TCERG1: variants seen among roughly 807,000 people sequenced by gnomAD.
The protein encoded by TCERG1 is TATA box binding protein (TBP)-associated factor, RNA polymerase II, S, 150kD.
In TCERG1, 37 loss-of-function variants were observed where a neutral mutation model predicts 144.7. The ratio of observed to expected loss-of-function variants is 0.26; its 90% CI spans 0.20 to 0.34. The LOEUF is 0.34. TCERG1 is among the 10% of genes least tolerant of loss of function. TCERG1 has a pLI of 1.00. For missense variants in TCERG1, 1,027 were observed against 1,380.7 expected (o/e 0.74, Z 4.06); for synonymous variants, 492 against 458.2 (o/e 1.07, Z -0.94).
chr5:146,501,096 A>G (rs1767398177), intron 17 of TCERG1, among the ~76,000 whole-genome samples: 1 of 152,156 alleles, frequency 6.6e-6, no homozygotes, highest in African/African-American at 2.4e-5. Flanking sequence ...TATTATAACC[A>G]ATTTTTATAA....
Position 146,507,242 on chromosome 5 carries a change from A to G in TCERG1, c.2961+35A>G, listed in dbSNP as rs754778347. 6.6e-7 allele frequency: 1 copy of G among 1,519,482 alleles called. No individual in the cohort carries two copies. The highest frequency in any genetic ancestry group is 8.8e-7 in the Non-Finnish European group (1 of 1,135,614). The allele number at this position is 1,519,482 out of a possible 1,614,324, so 94.1% of individuals were successfully genotyped here. A position where few individuals can be genotyped will look rare whatever the true frequency, so the allele number is the denominator to read the frequency against. ...TCTTATTTTTCTCATTTTAATCTGG[A>G]TGAATCTTGTTAGTAATTTCTTAAA... On this transcript the variant is annotated intron_variant, in intron 20 of 22. Transcript: ENST00000679501. This position sits in a 1 kb window ranked among gnomAD's most constrained non-coding sequence, Gnocchi z 4.6.
intron 13 of TCERG1, chr5:146,481,792 A>G (rs1292659339): frequency 6.6e-6 from 1 of 152,142 alleles, no homozygotes; most frequent in Non-Finnish European, 1.5e-5. Flanking sequence ...TTCATAGTGC[A>G]TATATTTGAG....
At chr5:146,468,320 G>T in intron 5 of TCERG1, 21 bp from the exon 6 acceptor site, 1 of 1,567,026 alleles carries the variant, frequency 6.4e-7, no homozygotes, top group Non-Finnish European at 8.7e-7. Flanking sequence ...TCCAACGTAT[G>T]CTTGCTTATC....
chr5:146,452,870 C>T (rs10043372), intron 1 of TCERG1, among the ~76,000 whole-genome samples: 37,246 of 152,106 alleles, frequency 0.24, 5,682 homozygotes, highest in East Asian at 0.84. Context: ...GGATTACAGG[C>T]GCGAGCCACC....
Position 146,479,868 on chromosome 5 carries a change from G to A in TCERG1, c.1776G>A (p.Pro592=), listed in dbSNP as rs781250149. 11 of 1,613,300 alleles carry A rather than the reference G, an allele frequency of 6.8e-6. No individual in the cohort carries two copies. The highest frequency in any genetic ancestry group is 1.6e-4 in the Middle Eastern group (1 of 6,082). Reference sequence around the variant, plus strand: ...TGTTTTTGCCAGGGCACCCAACTCCGACAATGCTGTCGATCCAAAAGTGGC... The same window carrying A: ...TGTTTTTGCCAGGGCACCCAACTCCAACAATGCTGTCGATCCAAAAGTGGC... ...EELKKLRHPT[P]TMLSIQKWQF... The change falls in exon 11 of 23, where the codon CCG becomes CCA. Residue 592 remains proline (P), a synonymous_variant. Transcript: ENST00000679501.
chr5:146,497,101 AC>A (rs889760553), intron 16 of TCERG1, among the ~76,000 whole-genome samples: 21 of 151,784 alleles, frequency 1.4e-4, no homozygotes, highest in Admixed American at 1.3e-4. Flanking sequence ...GGAACTCCTG[AC>A]CTCAACTGAT....
intron 9 of TCERG1, among the ~76,000 whole-genome samples, chr5:146,475,844 G>A (rs1422050886): frequency 6.6e-6 from 1 of 152,142 alleles, no homozygotes; most frequent in East Asian, 1.9e-4. Context: ...AAATTGTATA[G>A]GAAGGGAAGG....
Position 146,507,674 on chromosome 5 carries a change from C to T in TCERG1, c.2962-199C>T. The T allele has an allele frequency of 2.2e-6, 1 of 446,298 alleles. No homozygotes were observed. Among genetic ancestry groups the T allele is most frequent in the Non-Finnish European group, 3.9e-6 (1 of 254,562 alleles). The allele number at this position is 446,298 out of a possible 1,614,324, so 27.6% of individuals were successfully genotyped here. A position where few individuals can be genotyped will look rare whatever the true frequency, so the allele number is the denominator to read the frequency against. ...TCTTAGGCCACCTTGAAAGTATGGC[C>T]ATGAAAATAACTCTTGTGGCAAGCC... On this transcript the variant is annotated intron_variant, in intron 20 of 22. Transcript: ENST00000679501. This position sits in a 1 kb window ranked among gnomAD's most constrained non-coding sequence, Gnocchi z 4.6.
intron 10 of TCERG1, among the ~76,000 whole-genome samples, chr5:146,478,978 T>G (rs1402337593): frequency 6.6e-6 from 1 of 152,216 alleles, no homozygotes; most frequent in Non-Finnish European, 1.5e-5. Flanking sequence ...GTGGGCCTTT[T>G]AGCACCTTTT....
chr5:146,478,549 T>A lies in TCERG1; in HGVS notation c.1658T>A (p.Leu553His). 6.2e-7 allele frequency: 1 copy of A among 1,611,576 alleles called. No homozygotes were observed. Among genetic ancestry groups the A allele is most frequent in the Non-Finnish European group, 8.5e-7 (1 of 1,179,276 alleles). The change falls in exon 10 of 23, where the codon CTT becomes CAT. Residue 553 changes from leucine (L) to histidine (H), a missense_variant. Leu to His is a moderately conservative substitution (Grantham distance 99). Transcript: ENST00000679501. ...RVFFYNPTTRLSMWDRPDDLI... is the reference protein window; with the variant it reads ...RVFFYNPTTRHSMWDRPDDLI... ...TTCTTTTATAATCCCACCACTCGTC[T>A]TTCTATGTGGGACCGACCTGATGAT...
At chr5:146,509,472 A>T (rs1486172668) in intron 22 of TCERG1, among the ~76,000 whole-genome samples, 1 of 149,734 alleles carries the variant, frequency 6.7e-6, no homozygotes, top group Non-Finnish European at 1.5e-5. Context: ...TTACCCACCC[A>T]TCCAGTTTTG....
At chr5:146,474,187 C>T (rs1456665340) in intron 9 of TCERG1, among the ~76,000 whole-genome samples, 4 of 152,098 alleles carry the variant, frequency 2.6e-5, no homozygotes, top group Non-Finnish European at 1.5e-5. Context: ...CAGATATTAA[C>T]ATTAACAGGA....
intron 3 of TCERG1, 98 bp downstream of exon 3, chr5:146,457,433 A>G (rs1762920793): frequency 8.2e-7 from 1 of 1,212,208 alleles, no homozygotes; most frequent in East Asian, 2.6e-5. Flanking sequence ...TCATTTAAGA[A>G]TGAGCCCTGG....
At chr5:146,454,037 C>CAA (rs56657111) in intron 1 of TCERG1, among the ~76,000 whole-genome samples, 14 of 129,850 alleles carry the variant, frequency 1.1e-4, no homozygotes, top group South Asian at 2.4e-4. Flanking sequence ...TACTCAAATA[C>CAA]AAAAAAAAAA....
chr5:146,452,663 C>G (rs528568718), intron 1 of TCERG1, among the ~76,000 whole-genome samples: 1 of 152,194 alleles, frequency 6.6e-6, no homozygotes. Context: ...AATCTCGGCT[C>G]ACTGCAACCT....
chr5:146,490,132 A>C (rs988690951), intron 15 of TCERG1, among the ~76,000 whole-genome samples: 1 of 152,196 alleles, frequency 6.6e-6, no homozygotes, highest in African/African-American at 2.4e-5. Context: ...AAATACTTTC[A>C]AAAGGTTTTC....
chr5:146,478,522 T>C lies in TCERG1; in HGVS notation c.1631T>C (p.Val544Ala). 1 of 1,607,512 alleles carries C rather than the reference T, an allele frequency of 6.2e-7. No individual in the cohort carries two copies. ...WCVVWTGDERVFFYNPTTRLS... is the reference protein window; with the variant it reads ...WCVVWTGDERAFFYNPTTRLS... Reference sequence around the variant, plus strand: ...GTCGTTTGGACTGGTGATGAGCGGGTCTTCTTTTATAATCCCACCACTCGT... The same window carrying C: ...GTCGTTTGGACTGGTGATGAGCGGGCCTTCTTTTATAATCCCACCACTCGT... The change falls in exon 10 of 23, where the codon GTC (valine) becomes GCC (alanine). Residue 544 changes from valine (V) to alanine (A), a missense_variant. Coordinates refer to ENST00000679501, the MANE Select transcript of TCERG1 (RefSeq NM_001382548.1).
intron 3 of TCERG1, among the ~76,000 whole-genome samples, 170 bp downstream of exon 3, chr5:146,457,505 G>A (rs1762927418): frequency 2.6e-5 from 4 of 152,246 alleles, no homozygotes; most frequent in Admixed American, 2.6e-4. Flanking sequence ...TTGTGCAGCA[G>A]ATATAAGGTT....
chr5:146,509,968 T>G (rs1768335360), intron 22 of TCERG1: 1 of 1,100,108 alleles, frequency 9.1e-7, no homozygotes, highest in African/African-American at 1.6e-5. Flanking sequence ...TTTTAGATAT[T>G]TTGTCATTTG....
Sources: allele counts gnomAD v4.1 joint callset (sites outside exome capture counted in the v4.1 genomes callset), GRCh38; gene constraint gnomAD v4.1.1; non-coding constraint Gnocchi (gnomAD v3.1); transcripts MANE v1.5; gene names NCBI Gene and HGNC (gene_info 2026-07-23, HGNC 2026-07-21).